PROM1: variants seen among roughly 807,000 people sequenced by gnomAD.
PROM1 encodes prominin 1.
In PROM1, 105 loss-of-function variants were observed where a neutral mutation model predicts 116.9. The observed-to-expected ratio is 0.90, with a 90% CI of 0.77 to 1.06. The LOEUF is 1.06. Among genes scored for constraint, PROM1 ranks in the 50% least tolerant of loss-of-function variants. The pLI is 0.00. For missense variants in PROM1, 1,122 were observed against 1,045.2 expected (o/e 1.07, Z -1.01); for synonymous variants, 393 against 387.0 (o/e 1.02, Z -0.18).
intron 15 of PROM1, among the ~76,000 whole-genome samples, chr4:15,997,331 A>G (rs1722581902): frequency 7.2e-6 from 1 of 139,706 alleles, no homozygotes; most frequent in African/African-American, 2.7e-5. Context: ...TATATATATG[A>G]AATGCATTTC....
rs376691372 is a variant in PROM1, at chr4:15,998,381, A to T, written c.1682+4T>A. 6.3e-7 allele frequency: 1 copy of T among 1,585,206 alleles called. No individual in the cohort carries two copies. The highest frequency in any genetic ancestry group is 1.4e-5 in the African/African-American group (1 of 73,552). ...AGCGAAATGTATAATGCAAATATTGATACCTGTAAACTTGTTCAAAAGTGA... is the reference window on the plus strand; with the variant it reads ...AGCGAAATGTATAATGCAAATATTGTTACCTGTAAACTTGTTCAAAAGTGA... On this transcript the variant is annotated splice_donor_region_variant and intron_variant, in intron 15 of 27. Transcript: ENST00000447510.
At chr4:16,015,514 A>G (rs2149287142) in intron 10 of PROM1, among the ~76,000 whole-genome samples, 1 of 151,800 alleles carries the variant, frequency 6.6e-6, no homozygotes, top group Middle Eastern at 3.4e-3. Context: ...ACATGGTGAA[A>G]CCTCATCTCC....
rs530749007 is a variant in PROM1 at position 15,989,758 on chromosome 4, G to C, written c.2050C>G (p.Arg684Gly). 3.7e-6 allele frequency: 6 copies of C among 1,608,486 alleles called. No individual in the cohort carries two copies. In the Admixed American group the frequency reaches 5.0e-5, roughly 14 times the overall value. Residue 684 changes from arginine (R) to glycine (G), a missense_variant, in exon 19 of 28, where the codon CGA (arginine) becomes GGA (glycine). By Grantham distance (125) the Arg-to-Gly change is moderately radical. Transcript: ENST00000447510. ...AQTIKTIHQQ[R>G]VLPIEQSLST... ...AGTGATTGTTCTATAGGAAGGACTC[G>C]TTGCTGGTGAATTGTTTTAATAGTT...
intron 27 of PROM1, among the ~76,000 whole-genome samples, chr4:15,970,574 A>T (rs2148968647): frequency 6.6e-6 from 1 of 152,192 alleles, no homozygotes; most frequent in East Asian, 1.9e-4. Context: ...ATATATATAA[A>T]TACACACACA....
chr4:16,038,943 T>G lies in PROM1; in HGVS notation c.276+3A>C. ...AATAATAAATACACCAATGAAAAAT[T>G]ACCTTGTCATAATCAATTTTGGATT... On this transcript the variant is annotated splice_donor_region_variant and intron_variant, in intron 3 of 27. Coordinates refer to ENST00000447510, the MANE Select transcript of PROM1 (RefSeq NM_006017.3). 1.4e-6 allele frequency: 2 copies of G among 1,474,836 alleles called. No individual in the cohort carries two copies. The highest frequency in any genetic ancestry group is 1.8e-6 in the Non-Finnish European group (2 of 1,111,274). The allele number at this position is 1,474,836 out of a possible 1,614,324, so 91.4% of individuals were successfully genotyped here.
chr4:16,026,995 G>C (rs1408979484), intron 5 of PROM1, among the ~76,000 whole-genome samples: 2 of 152,232 alleles, frequency 1.3e-5, no homozygotes, highest in East Asian at 3.9e-4. Context: ...GGTGTAATTA[G>C]ATAAATTAGA....
chr4:16,009,151 G>A (rs1208203476), intron 11 of PROM1, 43 bp from the exon 12 acceptor site: 4 of 1,564,454 alleles, frequency 2.6e-6, no homozygotes, highest in East Asian at 2.2e-5. Context: ...CAAACATGGA[G>A]GAAATAGAAA....
intron 8 of PROM1, 122 bp downstream of exon 8, chr4:16,023,204 T>C: frequency 1.2e-6 from 1 of 803,888 alleles, no homozygotes; most frequent in Non-Finnish European, 2.1e-6. Flanking sequence ...ACTGTCTGCA[T>C]GGCCACGGAC....
intron 9 of PROM1, 76 bp from the exon 10 acceptor site, chr4:16,016,316 G>T: frequency 8.4e-7 from 1 of 1,196,770 alleles, no homozygotes; most frequent in Non-Finnish European, 1.2e-6. Flanking sequence ...AGAAGTCATT[G>T]TATATTCCAA....
intron 22 of PROM1, among the ~76,000 whole-genome samples, chr4:15,985,290 T>C (rs1276206143): frequency 6.6e-6 from 1 of 152,204 alleles, no homozygotes; most frequent in East Asian, 1.9e-4. Flanking sequence ...CCAAGGATTT[T>C]GGTATCTGCA....
rs1342352324 is a variant in PROM1 at position 15,980,541 on chromosome 4, G to A, written c.2374-4C>T. ...CTATGCCAAACCAAAACAAATTCTAGGAAAAAAAAATCAGAAGAATTAAAT... is the reference window on the plus strand; with the variant it reads ...CTATGCCAAACCAAAACAAATTCTAAGAAAAAAAAATCAGAAGAATTAAAT... On this transcript the variant is annotated splice_region_variant and splice_polypyrimidine_tract_variant and intron_variant, in intron 23 of 27. Transcript: ENST00000447510. The A allele has an allele frequency of 2.1e-6, 3 of 1,420,304 alleles. No individual in the cohort carries two copies. Among genetic ancestry groups the A allele is most frequent in the East Asian group, 2.7e-5 (1 of 37,370 alleles). 88.0% of individuals were successfully genotyped at this position (1,420,304 alleles called of 1,614,324 possible). A position where few individuals can be genotyped will look rare whatever the true frequency, so the allele number is the denominator to read the frequency against.
At chr4:16,037,854 G>GCA (rs1734288843) in intron 3 of PROM1, 1 of 152,260 alleles carries the variant, frequency 6.6e-6, no homozygotes, top group South Asian at 2.1e-4. Context: ...GCAGAGGAGT[G>GCA]CATTGGCAGC....
At chr4:16,010,425 C>G (rs1274618079) in intron 11 of PROM1, among the ~76,000 whole-genome samples, 1 of 152,220 alleles carries the variant, frequency 6.6e-6, no homozygotes, top group East Asian at 1.9e-4. Context: ...AAATATTATC[C>G]TGAGGCTCCC....
chr4:16,063,380 G>C (rs1479139941), intron 2 of PROM1, among the ~76,000 whole-genome samples: 3 of 152,182 alleles, frequency 2.0e-5, no homozygotes, highest in Non-Finnish European at 4.4e-5. Context: ...GGGATCACTT[G>C]AGGTCAGGAG....
At chr4:16,011,084 CT>C (rs1726776543) in intron 11 of PROM1, among the ~76,000 whole-genome samples, 1 of 152,162 alleles carries the variant, frequency 6.6e-6, no homozygotes, top group Admixed American at 6.5e-5. Flanking sequence ...CCCCTGCCTG[CT>C]TCTCAGCCTG....
chr4:16,035,849 A>T (rs1578146505), intron 3 of PROM1, 88 bp from the exon 4 acceptor site: 7 of 1,214,176 alleles, frequency 5.8e-6, no homozygotes, highest in Non-Finnish European at 8.5e-6. Context: ...GATCAACCAT[A>T]ACCAAGAACA....
chr4:15,994,011 G>A lies in PROM1; in HGVS notation c.1743C>T (p.Ile581=). ...GTLHLQNSFN[I]SEHLNINEHT... ...CCTCATTAATGTTGAGATGTTCACT[G>A]ATATTGAAGCTGTTCTGCAGGTGAA... is the stretch of plus-strand genomic sequence containing the variant. The change falls in exon 16 of 28, where the codon ATC becomes ATT. Residue 581 remains isoleucine (I), a synonymous_variant. Coordinates refer to ENST00000447510, the MANE Select transcript of PROM1 (RefSeq NM_006017.3). 1 of 1,613,950 alleles carries A rather than the reference G, an allele frequency of 6.2e-7. No homozygotes were observed. Among genetic ancestry groups the A allele is most frequent in the Non-Finnish European group, 8.5e-7 (1 of 1,179,846 alleles).
intron 19 of PROM1, 39 bp from the exon 20 acceptor site, chr4:15,987,755 G>C: frequency 1.9e-6 from 3 of 1,541,942 alleles, no homozygotes; most frequent in Non-Finnish European, 2.7e-6. Context: ...ATTATTACAT[G>C]AAGCAGCAAG....
chr4:16,079,697 A>T (rs1236283989), intron 1 of PROM1, among the ~76,000 whole-genome samples: 1 of 152,148 alleles, frequency 6.6e-6, no homozygotes, highest in Non-Finnish European at 1.5e-5. Flanking sequence ...ATTTTTAACA[A>T]GCTTTCCTGG....
Sources: allele counts gnomAD v4.1 joint callset (sites outside exome capture counted in the v4.1 genomes callset), GRCh38; gene constraint gnomAD v4.1.1; transcripts MANE v1.5; gene names NCBI Gene and HGNC (gene_info 2026-07-23, HGNC 2026-07-21).